HADH: variants seen among roughly 807,000 people sequenced by gnomAD.
HADH encodes the protein hydroxyacyl-coenzyme A dehydrogenase, mitochondrial.
A neutral mutation model predicts 32.2 loss-of-function variants in HADH; 24 were observed. The ratio of observed to expected loss-of-function variants is 0.75; its 90% CI spans 0.54 to 1.05. The LOEUF (loss-of-function observed/expected upper bound fraction) is 1.05, where lower values mean the gene tolerates loss of function less well. Among genes scored for constraint, HADH ranks in the 50% least tolerant of loss-of-function variants. The pLI is 0.00. For missense variants in HADH, 350 were observed against 397.1 expected (o/e 0.88, Z 1.01); for synonymous variants, 139 against 152.5 (o/e 0.91, Z 0.65).
In HADH at chr4:108,034,240, G is replaced by C; in HGVS notation, c.828G>C (p.Gly276=). Residue 276 remains glycine, a splice_region_variant and synonymous_variant, in exon 8 of 8, where the codon GGG becomes GGC. Transcript: ENST00000309522. ...AGTTCTCTTCCCTCCGCTCAATAGG[G>C]TGGCATGAAATGGATGCAGAGAACC... ...GLDTTKFIVD[G]WHEMDAENPL... is the part of the protein sequence containing the mutation. 1 of 1,584,498 alleles carries C rather than the reference G, an allele frequency of 6.3e-7. No individual in the cohort carries two copies. The highest frequency in any genetic ancestry group is 8.7e-7 in the Non-Finnish European group (1 of 1,152,900).
chr4:108,023,239 G>T (rs750934395), intron 4 of HADH, among the ~76,000 whole-genome samples: 1 of 152,060 alleles, frequency 6.6e-6, no homozygotes, highest in Non-Finnish European at 1.5e-5. Flanking sequence ...TGATCTGCCC[G>T]CTTCAGCCTC....
chr4:107,991,121 A>G (rs149026135), intron 1 of HADH, among the ~76,000 whole-genome samples: 1,746 of 151,654 alleles, frequency 0.012, 39 homozygotes, highest in African/African-American at 0.038. Flanking sequence ...CAGTTGTGCG[A>G]GTGATTGATT....
At chr4:107,991,249 T>C (rs980629373) in intron 1 of HADH, among the ~76,000 whole-genome samples, 5 of 152,222 alleles carry the variant, frequency 3.3e-5, no homozygotes, top group Non-Finnish European at 5.9e-5. Context: ...TTCAGTCCTT[T>C]GCAACTTGGT....
At chr4:108,033,002 A>G (rs1736330077) in intron 6 of HADH, 174 bp from the exon 7 acceptor site, 4 of 664,304 alleles carry the variant, frequency 6.0e-6, no homozygotes, top group Non-Finnish European at 8.2e-6. Context: ...AAGTCTTATG[A>G]CCTCTTTGGC....
At position 108,014,577 on chromosome 4, in the gene HADH, G is replaced by A. The variant is rs1204612607; in HGVS notation, c.408G>A (p.Lys136=). 1 of 1,612,316 alleles carries A rather than the reference G, an allele frequency of 6.2e-7. No homozygotes were observed. Among genetic ancestry groups the A allele is most frequent in the Non-Finnish European group, 8.5e-7 (1 of 1,178,808 alleles). ...ACGAGCTCTTCAAAAGGCTGGACAA[G>A]TTTGCTGCTGAGTATGTAACCTCTG... ...VKNELFKRLD[K]FAAEHTIFAS... The change falls in exon 3 of 8, where the codon AAG becomes AAA. Residue 136 remains lysine, a synonymous_variant. Transcript: ENST00000309522.
chr4:108,002,193 A>G (rs746960794), intron 1 of HADH, among the ~76,000 whole-genome samples: 1 of 152,148 alleles, frequency 6.6e-6, no homozygotes, highest in Non-Finnish European at 1.5e-5. Context: ...TCCGTGGCCC[A>G]TTAGGAACCG....
chr4:108,028,884 C>G, intron 6 of HADH: 1 of 398,480 alleles, frequency 2.5e-6, no homozygotes, highest in Non-Finnish European at 4.4e-6. Context: ...GTTGAAAGCC[C>G]TCTTCTTGTC....
intron 4 of HADH, among the ~76,000 whole-genome samples, chr4:108,020,993 C>G (rs1191611150): frequency 6.6e-6 from 1 of 152,168 alleles, no homozygotes; most frequent in Non-Finnish European, 1.5e-5. Flanking sequence ...CTTTGACCAT[C>G]TTGCAATGGG....
rs1000029245 is a variant in HADH at position 108,020,923 on chromosome 4, A to T, written c.546+1257A>T. Among the ~76,000 whole-genome samples, 4 of 152,260 alleles carry T rather than the reference A, an allele frequency of 2.6e-5. No homozygotes were observed. In the East Asian group the frequency reaches 7.7e-4, roughly 29 times the overall value. On this transcript the variant is annotated intron_variant, in intron 4 of 7. Coordinates refer to ENST00000309522, the MANE Select transcript of HADH (RefSeq NM_005327.7). ...CATTCCCTCACCACTACTCAGCATA[A>T]GCATTTTTAATAAGTCATAATAATG...
At chr4:108,008,856 G>A (rs1319558484) in intron 1 of HADH, among the ~76,000 whole-genome samples, 3 of 152,116 alleles carry the variant, frequency 2.0e-5, no homozygotes, top group Non-Finnish European at 2.9e-5. Flanking sequence ...GGTGATCGAG[G>A]TGACCCAATG....
chr4:108,017,422 T>C (rs1735731014), intron 3 of HADH, among the ~76,000 whole-genome samples: 1 of 152,214 alleles, frequency 6.6e-6, no homozygotes, highest in South Asian at 2.1e-4. Flanking sequence ...CCATTGCTAA[T>C]AATCACTGTG....
chr4:108,025,806 G>A (rs1736048637), intron 5 of HADH: 1 of 152,182 alleles, frequency 6.6e-6, no homozygotes, highest in South Asian at 2.1e-4. Context: ...CTTGAGCCCA[G>A]GATGTGGAGG....
chr4:108,017,149 A>G (rs1001132661), intron 3 of HADH, among the ~76,000 whole-genome samples: 4 of 152,190 alleles, frequency 2.6e-5, no homozygotes, highest in African/African-American at 7.2e-5. Context: ...TTTACTGACA[A>G]ATTTTACAGT....
In HADH at chr4:108,027,770, T is replaced by C. The variant is rs942751515; in HGVS notation, c.709+10T>C. ...AGGCTGTATGAACGAGGTATCCTTCTGACCCAGGCCAGGAGCAGCAGACCT... is the reference window on the plus strand; with the variant it reads ...AGGCTGTATGAACGAGGTATCCTTCCGACCCAGGCCAGGAGCAGCAGACCT... On this transcript the variant is annotated intron_variant, in intron 6 of 7. Coordinates refer to ENST00000309522, the MANE Select transcript of HADH (RefSeq NM_005327.7). 1.3e-6 allele frequency: 2 copies of C among 1,555,266 alleles called. No individual in the cohort carries two copies. The highest frequency in any genetic ancestry group is 1.8e-6 in the Non-Finnish European group (2 of 1,126,374).
intron 6 of HADH, chr4:108,032,633 C>A: frequency 2.5e-6 from 1 of 405,804 alleles, no homozygotes; most frequent in Non-Finnish European, 4.5e-6. Flanking sequence ...ATGGAGACTT[C>A]TGTCTCCATG....
chr4:108,000,505 C>T (rs941929021), intron 1 of HADH, among the ~76,000 whole-genome samples: 2 of 152,184 alleles, frequency 1.3e-5, no homozygotes, highest in African/African-American at 2.4e-5. Flanking sequence ...ATCCTGGGGA[C>T]TGGGCTGCCA....
intron 3 of HADH, among the ~76,000 whole-genome samples, chr4:108,015,818 A>C (rs1341873751): frequency 1.3e-5 from 2 of 152,114 alleles, no homozygotes; most frequent in African/African-American, 2.4e-5. Context: ...TCACACTGGC[A>C]TCTAGAGGCT....
chr4:108,012,075 T>A (rs2126227779), intron 2 of HADH, among the ~76,000 whole-genome samples: 1 of 152,184 alleles, frequency 6.6e-6, no homozygotes, highest in East Asian at 1.9e-4. Flanking sequence ...AAAAAATTTT[T>A]TTTTAGAGAC....
rs79328695 is a variant in HADH at position 108,021,035 on chromosome 4, G to A, written c.546+1369G>A. Among the ~76,000 whole-genome samples the A allele has an allele frequency of 1.3e-3, 197 of 152,234 alleles. 1 individual carries two copies. The highest frequency in any genetic ancestry group is 4.4e-3 in the African/African-American group (184 of 41,534). Reference sequence around the variant, plus strand: ...TCTGTCTTACTAACATTGCTTCTCAGCTTCCTCCTATTTTCTCCTATCCCC... The same window carrying A: ...TCTGTCTTACTAACATTGCTTCTCAACTTCCTCCTATTTTCTCCTATCCCC... On this transcript the variant is annotated intron_variant, in intron 4 of 7. Transcript: ENST00000309522.
Sources: gnomAD v4.1 joint callset for allele counts (sites outside exome capture counted in the v4.1 genomes callset) on GRCh38, gnomAD v4.1.1 for gene constraint, MANE v1.5 for transcripts, NCBI Gene and HGNC (gene_info 2026-07-23, HGNC 2026-07-21) for gene names.